The following AKR7A3 variants were observed in gnomAD, a reference collection of about 807,000 sequenced individuals.
The protein encoded by AKR7A3 is AFB1 aldehyde reductase 2.
Under a neutral mutation model 32.5 loss-of-function variants are expected in AKR7A3, and 37 were observed. The ratio of observed to expected loss-of-function variants is 1.14; its 90% CI spans 0.88 to 1.50. AKR7A3 has a LOEUF of 1.50. Ranked by LOEUF, AKR7A3 falls within the 40% of genes most tolerant of loss-of-function variation. The pLI is 0.00. For missense variants in AKR7A3, 412 were observed against 453.2 expected (o/e 0.91, Z 0.83); for synonymous variants, 177 against 188.4 (o/e 0.94, Z 0.50).
rs1569657049 is a variant in AKR7A3, at chr1:19,286,376, A to T, written c.215-4T>A. 6.2e-7 allele frequency: 1 copy of T among 1,612,704 alleles called. No homozygotes were observed. The highest frequency in any genetic ancestry group is 2.2e-5 in the East Asian group (1 of 44,852). ...ATGGCCTTGGTATCAATTTTCACTG[A>T]GAGGAAAGAGAAATGAAATTCAGGG... is the stretch of plus-strand genomic sequence containing the variant. On this transcript the variant is annotated splice_region_variant and splice_polypyrimidine_tract_variant and intron_variant, in intron 1 of 6. Transcript: ENST00000361640.
chr1:19,282,555 G>A (rs1245617302), downstream of AKR7A3: 98 of 1,084,870 alleles, frequency 9.0e-5, no homozygotes, highest in Non-Finnish European at 7.8e-5. Context: ...AACGCAAACA[G>A]ACTAACACAC....
Position 19,285,178 on chromosome 1 carries a change from C to A in AKR7A3, c.508-64G>T, listed in dbSNP as rs533412491. The A allele has an allele frequency of 2.0e-4, 287 of 1,460,972 alleles. 1 individual carries two copies. The highest frequency in any genetic ancestry group is 4.0e-4 in the Admixed American group (23 of 57,530). 90.5% of individuals were successfully genotyped at this position (1,460,972 alleles called of 1,614,324 possible). On this transcript the variant is annotated intron_variant, in intron 3 of 6. Transcript: ENST00000361640. ...TCAAAAGAAGAGACTTCAAAATTACCCTTCCAGAACCCTTATTTCAGACCT... is the reference window on the plus strand; with the variant it reads ...TCAAAAGAAGAGACTTCAAAATTACACTTCCAGAACCCTTATTTCAGACCT...
At chr1:19,279,811 A>G (rs918546576), downstream of AKR7A3, among the ~76,000 whole-genome samples, 3 of 151,920 alleles carry the variant, frequency 2.0e-5, no homozygotes, top group Admixed American at 2.0e-4. Flanking sequence ...TCTTTATATA[A>G]TTCAAGCTTG....
In AKR7A3 at chr1:19,284,855, G is replaced by A. The variant is rs539754499; in HGVS notation, c.605-70C>T. 119 of 1,579,498 alleles carry A rather than the reference G, an allele frequency of 7.5e-5. 5 individuals are homozygous for A. In the African/African-American group the frequency reaches 1.4e-3, roughly 19 times the overall value. Reference sequence around the variant, plus strand: ...AAGCTGCCACATCCCTCAGGGCTCTGGTCTAGGGGAGGGGCAGGGACCCAG... The same window carrying A: ...AAGCTGCCACATCCCTCAGGGCTCTAGTCTAGGGGAGGGGCAGGGACCCAG... On this transcript the variant is annotated intron_variant, in intron 4 of 6. Transcript: ENST00000361640.
rs760874273 is a variant in AKR7A3, at chr1:19,285,028, G to A, written c.594C>T (p.Asn198=). Residue 198 remains asparagine (N), a synonymous_variant, in exon 4 of 7, where the codon AAC becomes AAT. Coordinates refer to ENST00000361640, the MANE Select transcript of AKR7A3 (RefSeq NM_012067.3). Reference sequence around the variant, plus strand: ...GAATGCTCCACGTACCAGCCAGAGGGTTGAAGGCATAGAACCTCAGTCCAA... The same window carrying A: ...GAATGCTCCACGTACCAGCCAGAGGATTGAAGGCATAGAACCTCAGTCCAA... ...RHFGLRFYAF[N]PLAGGLLTGK... The A allele has an allele frequency of 3.1e-6, 5 of 1,612,742 alleles. No individual in the cohort carries two copies. Among genetic ancestry groups the A allele is most frequent in the Admixed American group, 3.3e-5 (2 of 60,012 alleles).
At chr1:19,287,879 G>T (rs1413974977) in intron 1 of AKR7A3, among the ~76,000 whole-genome samples, 1 of 152,152 alleles carries the variant, frequency 6.6e-6, no homozygotes, top group Non-Finnish European at 1.5e-5. Flanking sequence ...AGAGAGGGCA[G>T]TGAGACTCTG....
At chr1:19,278,097 C>T (rs553227657), downstream of AKR7A3, among the ~76,000 whole-genome samples, 2 of 151,734 alleles carry the variant, frequency 1.3e-5, no homozygotes, top group Admixed American at 6.6e-5. Flanking sequence ...ACAGTTTTAC[C>T]TTATACATTT....
chr1:19,284,978 C>T (rs373050797), intron 4 of AKR7A3, 40 bp downstream of exon 4: 69 of 1,611,134 alleles, frequency 4.3e-5, no homozygotes, highest in Middle Eastern at 2.1e-4. Context: ...ATCTGTGGGT[C>T]GGGAATAGGC....
chr1:19,286,409 C>T (rs2093730138), intron 1 of AKR7A3, 37 bp from the exon 2 acceptor site: 7 of 1,601,994 alleles, frequency 4.4e-6, no homozygotes, highest in Non-Finnish European at 5.1e-6. Flanking sequence ...GGGCCAGGCG[C>T]CGTGGCTCAT....
At chr1:19,275,145 T>A in the AKR7A3 span, among the ~76,000 whole-genome samples, 1 of 151,812 alleles carries the variant, frequency 6.6e-6, no homozygotes, top group Non-Finnish European at 1.5e-5. Flanking sequence ...GCGGAGTGGT[T>A]CATGCCTGTA....
chr1:19,286,148 C>T (rs780718595), intron 2 of AKR7A3, 37 bp downstream of exon 2: 14 of 1,607,102 alleles, frequency 8.7e-6, no homozygotes, highest in Non-Finnish European at 8.5e-7. Flanking sequence ...AGGAGAGCAG[C>T]AGTGGACCAC....
chr1:19,288,700 G>A lies in AKR7A3; in HGVS notation c.10C>T (p.Gln4Ter). 1.3e-6 allele frequency: 2 copies of A among 1,502,980 alleles called. No individual in the cohort carries two copies. The highest frequency in any genetic ancestry group is 2.5e-5 in the South Asian group (2 of 79,282). 93.1% of individuals were successfully genotyped at this position (1,502,980 alleles called of 1,614,324 possible). Residue 4 changes from glutamine (Q) to a stop codon, truncating the protein, a stop_gained, in exon 1 of 7, where the codon CAG (glutamine) becomes TAG (stop). Transcript: ENST00000361640. LOFTEE classifies it high-confidence loss of function. Reference sequence around the variant, plus strand: ...GTGGCTGGCCGGGCCCGCGACAGCTGCCGGGACATGACGGCGGCAACGGGA... The same window carrying A: ...GTGGCTGGCCGGGCCCGCGACAGCTACCGGGACATGACGGCGGCAACGGGA... MSR[Q>*]LSRARPATVL...
Position 19,284,782 on chromosome 1 carries a change from C to A in AKR7A3, c.608G>T (p.Gly203Val). Residue 203 changes from glycine to valine, a missense_variant, in exon 5 of 7, where the codon GGC (glycine) becomes GTC (valine). Gly to Val is a moderately radical substitution (Grantham distance 109). Transcript: ENST00000361640. Reference protein sequence around the residue: ...RFYAFNPLAGGLLTGKYKYED... With the variant: ...RFYAFNPLAGVLLTGKYKYED... ...ATACTTGTACTTGCCGGTCAGCAGG[C>A]CCCCTGAGGGAAAGCAGCAATCAGC... 1 of 1,613,516 alleles carries A rather than the reference C, an allele frequency of 6.2e-7. No homozygotes were observed. Among genetic ancestry groups the A allele is most frequent in the South Asian group, 1.1e-5 (1 of 91,046 alleles).
chr1:19,286,114 G>A, intron 2 of AKR7A3, 71 bp downstream of exon 2: 4 of 1,594,028 alleles, frequency 2.5e-6, no homozygotes, highest in South Asian at 1.1e-5. Context: ...TGGTGCCTCT[G>A]CTCTCACCAT....
In AKR7A3 at chr1:19,286,175, G is replaced by A; in HGVS notation, c.402+10C>T. 1 of 1,612,260 alleles carries A rather than the reference G, an allele frequency of 6.2e-7. No individual in the cohort carries two copies. On this transcript the variant is annotated intron_variant, in intron 2 of 6. Coordinates refer to ENST00000361640, the MANE Select transcript of AKR7A3 (RefSeq NM_012067.3). The stretch of plus-strand genomic sequence containing the variant: ...GTGGACCACCTCCCAGAGCTCAGGG[G>A]TCCCCTCACCTCCTGGTGCAGCTGG...
chr1:19,285,116 T>G lies in AKR7A3; in HGVS notation c.508-2A>C, dbSNP rs758247200. ...CCGGGTGATGGCATTGTACATGCCC[T>G]GTAAGGAGAGGGGCCCCGGGGGAGA... On this transcript the variant is annotated splice_acceptor_variant, in intron 3 of 6. Coordinates refer to ENST00000361640, the MANE Select transcript of AKR7A3 (RefSeq NM_012067.3). LOFTEE classifies it high-confidence loss of function. 3.3e-5 allele frequency: 54 copies of G among 1,613,140 alleles called. No homozygotes were observed. Among genetic ancestry groups the G allele is most frequent in the Non-Finnish European group, 4.1e-5 (48 of 1,179,780 alleles).
intron 3 of AKR7A3, 40 bp downstream of exon 3, chr1:19,285,848 G>A (rs761366219): frequency 3.7e-6 from 6 of 1,611,634 alleles, no homozygotes; most frequent in South Asian, 2.2e-5. Context: ...GGATGAGCAG[G>A]AGTTCTGGAG....
chr1:19,279,455 C>T (rs918598830), downstream of AKR7A3, among the ~76,000 whole-genome samples: 6 of 151,834 alleles, frequency 4.0e-5, no homozygotes, highest in African/African-American at 1.5e-4. Flanking sequence ...ACAAGTGGAA[C>T]TGCTGAATCC....
intron 6 of AKR7A3, 50 bp from the exon 7 acceptor site, chr1:19,282,942 C>A (rs753367375): frequency 1.9e-6 from 3 of 1,588,734 alleles, no homozygotes; most frequent in South Asian, 2.2e-5. Context: ...CACAGCGACT[C>A]TACTCACAGC....
Sources: allele counts gnomAD v4.1 joint callset (sites outside exome capture counted in the v4.1 genomes callset), GRCh38; gene constraint gnomAD v4.1.1; transcripts MANE v1.5; gene names NCBI Gene and HGNC (gene_info 2026-07-23, HGNC 2026-07-21).